The following FAM186A variants were observed in gnomAD, a reference collection of about 807,000 sequenced individuals.
FAM186A encodes protein FAM186A.
Under a neutral mutation model 216.8 loss-of-function variants are expected in FAM186A, and 163 were observed. That is an observed-to-expected ratio of 0.75 (90% CI 0.66 to 0.86). The LOEUF is 0.86. Ranked by LOEUF, FAM186A falls within the 40% of genes least tolerant of loss-of-function variation. The pLI is 0.00. For missense variants in FAM186A, 2,184 were observed against 2,746.2 expected, an observed-to-expected ratio of 0.80 and a Z score of 4.58; for synonymous variants, 805 against 1,025.3, an observed-to-expected ratio of 0.79 and a Z score of 4.10.
chr12:50,391,402 G>C (rs1943356108), intron 1 of FAM186A, among the ~76,000 whole-genome samples: 1 of 150,360 alleles, frequency 6.7e-6, no homozygotes, highest in South Asian at 2.1e-4. Context: ...TGCAACCTCT[G>C]CCTCCCAGGT....
At chr12:50,383,945 C>T (rs891330689) in intron 1 of FAM186A, among the ~76,000 whole-genome samples, 1 of 151,984 alleles carries the variant, frequency 6.6e-6, no homozygotes, top group African/African-American at 2.4e-5. Flanking sequence ...TGGTGAGACC[C>T]TATCTCTACT....
chr12:50,381,242 G>A (rs1197201026), intron 1 of FAM186A, among the ~76,000 whole-genome samples: 1 of 152,194 alleles, frequency 6.6e-6, no homozygotes, highest in African/African-American at 2.4e-5. Flanking sequence ...AGCAAGGGGC[G>A]TGTTTCAGCC....
At chr12:50,359,018 C>A (rs914104932) in intron 3 of FAM186A, among the ~76,000 whole-genome samples, 15 of 151,774 alleles carry the variant, frequency 9.9e-5, no homozygotes, top group African/African-American at 3.4e-4. Context: ...TTAATAAGCA[C>A]ATGAAACATG....
At chr12:50,344,148 C>T (rs1942790699) in intron 4 of FAM186A, among the ~76,000 whole-genome samples, 1 of 150,946 alleles carries the variant, frequency 6.6e-6, no homozygotes, top group African/African-American at 2.4e-5. Context: ...TCAGAGGGTA[C>T]ATATGCAGGT....
At chr12:50,393,171 C>T (rs1224285404) in intron 1 of FAM186A, among the ~76,000 whole-genome samples, 1 of 151,820 alleles carries the variant, frequency 6.6e-6, no homozygotes, top group African/African-American at 2.4e-5. Flanking sequence ...CGTGATCCGC[C>T]CGCCTCGCCT....
intron 2 of FAM186A, 138 bp downstream of exon 2, chr12:50,363,007 A>G (rs1943050996): frequency 2.8e-6 from 2 of 715,418 alleles, no homozygotes; most frequent in Non-Finnish European, 4.4e-6. Context: ...CTACTGGAAT[A>G]GAGGATAACC....
intron 4 of FAM186A, 22 bp from the exon 5 acceptor site, chr12:50,334,125 T>C (rs1329553549): frequency 6.6e-7 from 1 of 1,511,712 alleles, no homozygotes; most frequent in African/African-American, 1.4e-5. Flanking sequence ...TAATAAAAAT[T>C]AGAGCGATAA....
intron 3 of FAM186A, 62 bp downstream of exon 3, chr12:50,360,694 G>T: frequency 3.7e-6 from 5 of 1,348,802 alleles, no homozygotes; most frequent in African/African-American, 1.5e-5. Context: ...AAAAAAAGTT[G>T]TTTCTCTAAG....
intron 1 of FAM186A, among the ~76,000 whole-genome samples, chr12:50,370,416 G>A (rs1198837932): frequency 6.6e-6 from 1 of 152,062 alleles, no homozygotes; most frequent in Non-Finnish European, 1.5e-5. Context: ...AACGTAACTA[G>A]TAATTAGGAA....
chr12:50,328,887 G>C (rs1006786403), intron 7 of FAM186A, among the ~76,000 whole-genome samples: 1 of 152,268 alleles, frequency 6.6e-6, no homozygotes, highest in East Asian at 1.9e-4. Context: ...AGGCCAAGGC[G>C]GGTGGATCAC....
chr12:50,332,439 G>C (rs1032025809), intron 5 of FAM186A, among the ~76,000 whole-genome samples: 1 of 152,194 alleles, frequency 6.6e-6, no homozygotes, highest in Non-Finnish European at 1.5e-5. Context: ...TAGCCATCTT[G>C]ACCACCATGC....
chr12:50,393,922 A>C (rs1402069254), intron 1 of FAM186A, among the ~76,000 whole-genome samples: 1 of 151,748 alleles, frequency 6.6e-6, no homozygotes, highest in African/African-American at 2.4e-5. Flanking sequence ...GATATTTAGC[A>C]CTCTTTTTTT....
intron 1 of FAM186A, among the ~76,000 whole-genome samples, chr12:50,364,543 G>C (rs981038828): frequency 3.4e-5 from 5 of 147,198 alleles, no homozygotes; most frequent in African/African-American, 1.2e-4. Context: ...AGGCGACAGA[G>C]CAAGACACTG....
chr12:50,394,064 A>G (rs566992194), intron 1 of FAM186A, among the ~76,000 whole-genome samples: 80 of 151,944 alleles, frequency 5.3e-4, no homozygotes, highest in African/African-American at 1.9e-3. Context: ...GACTCCAGGC[A>G]GGAGCCACCA....
chr12:50,377,932 A>T (rs1240721564), intron 1 of FAM186A, among the ~76,000 whole-genome samples: 1 of 152,002 alleles, frequency 6.6e-6, no homozygotes, highest in East Asian at 1.9e-4. Context: ...CTGTTAAGAA[A>T]ATGAAAAGTC....
chr12:50,368,873 A>T (rs1410212651), intron 1 of FAM186A, among the ~76,000 whole-genome samples: 2 of 152,076 alleles, frequency 1.3e-5, no homozygotes, highest in Non-Finnish European at 2.9e-5. Context: ...CCAAGTTAAC[A>T]GTATGTGTAT....
chr12:50,359,484 G>A (rs1288216168), intron 3 of FAM186A, among the ~76,000 whole-genome samples: 1 of 152,150 alleles, frequency 6.6e-6, no homozygotes, highest in Non-Finnish European at 1.5e-5. Flanking sequence ...GTGTAAAATG[G>A]TACAGTCACT....
chr12:50,351,273 C>A lies in FAM186A; in HGVS notation c.5559G>T (p.Trp1853Cys). Residue 1853 changes from tryptophan (W) to cysteine (C), a missense_variant, in exon 4 of 8, where the codon TGG (tryptophan) becomes TGT (cysteine). By Grantham distance (215) the Trp-to-Cys change is radical. Transcript: ENST00000327337. ...PPTSGQIPSL[W>C]APLSPGQPLV... Reference sequence around the variant, plus strand: ...AGGGCTGCCCAGGAGAAAGAGGAGCCCAGAGACTTGGAATCTGTCCAGAAG... The same window carrying A: ...AGGGCTGCCCAGGAGAAAGAGGAGCACAGAGACTTGGAATCTGTCCAGAAG... The A allele has an allele frequency of 6.5e-7, 1 of 1,549,616 alleles. No homozygotes were observed. Among genetic ancestry groups the A allele is most frequent in the Non-Finnish European group, 8.7e-7 (1 of 1,146,280 alleles).
At chr12:50,375,679 T>C (rs1943190611) in intron 1 of FAM186A, among the ~76,000 whole-genome samples, 1 of 142,782 alleles carries the variant, frequency 7.0e-6, no homozygotes, top group Non-Finnish European at 1.5e-5. Flanking sequence ...ATTGTGCCAC[T>C]GCACTCTAGC....
Sources: allele counts gnomAD v4.1 joint callset (sites outside exome capture counted in the v4.1 genomes callset), GRCh38; gene constraint gnomAD v4.1.1; transcripts MANE v1.5; gene names NCBI Gene and HGNC (gene_info 2026-07-23, HGNC 2026-07-21).